The following TEK variants were observed in gnomAD, a reference collection of about 807,000 sequenced individuals.
TEK encodes the protein TEK receptor tyrosine kinase, also known as angiopoietin-1 receptor.
A neutral mutation model predicts 131.8 loss-of-function variants in TEK; 43 were observed. That is an observed-to-expected ratio of 0.33 (90% confidence interval 0.26 to 0.42). TEK has a LOEUF of 0.42. Ranked by LOEUF, TEK falls within the 10% of genes least tolerant of loss-of-function variation. The pLI, the probability that TEK is intolerant of heterozygous loss-of-function variation, is 1.00. For synonymous variants in TEK, 580 were observed against 491.6 expected (o/e 1.18, Z -2.38); for missense variants, 1,162 against 1,384.4 (o/e 0.84, Z 2.55).
At chr9:27,137,616 A>C (rs148178481) in intron 1 of TEK, among the ~76,000 whole-genome samples, 4 of 152,114 alleles carry the variant, frequency 2.6e-5, no homozygotes, top group African/African-American at 9.7e-5. Context: ...ATCATTTTAT[A>C]TATATTTTTA....
At chr9:27,190,415 A>G in intron 9 of TEK, 114 bp from the exon 10 acceptor site, 1 of 1,331,630 alleles carries the variant, frequency 7.5e-7, no homozygotes, top group Non-Finnish European at 1.1e-6. Flanking sequence ...GTCTGAGCAG[A>G]AAACTTTAAG....
At chr9:27,204,759 T>C (rs1040126570) in intron 13 of TEK, 152 bp from the exon 14 acceptor site, 5 of 935,846 alleles carry the variant, frequency 5.3e-6, no homozygotes, top group Non-Finnish European at 5.1e-6. Flanking sequence ...GTTTGGAATA[T>C]AAATGAGTAG....
chr9:27,138,441 C>T (rs1412120602), intron 1 of TEK, among the ~76,000 whole-genome samples: 3 of 152,002 alleles, frequency 2.0e-5, no homozygotes, highest in Non-Finnish European at 4.4e-5. Flanking sequence ...CATTTACAAT[C>T]CTTTAGCTAG....
chr9:27,172,557 T>C, intron 4 of TEK, 59 bp from the exon 5 acceptor site: 6 of 1,605,880 alleles, frequency 3.7e-6, no homozygotes, highest in Non-Finnish European at 4.3e-6. Context: ...AGGTGCTCAA[T>C]AAAGATGTGT....
chr9:27,109,433 T>G lies in TEK; in HGVS notation c.-158T>G, dbSNP rs1386240169. 1.3e-6 allele frequency: 1 copy of G among 772,792 alleles called. No individual in the cohort carries two copies. The highest frequency in any genetic ancestry group is 1.7e-5 in the African/African-American group (1 of 57,970). The allele number at this position is 772,792 out of a possible 1,614,324, so 47.9% of individuals were successfully genotyped here. A position where few individuals can be genotyped will look rare whatever the true frequency, so the allele number is the denominator to read the frequency against. On this transcript the variant is annotated 5_prime_UTR_variant, in exon 1 of 23. Transcript: ENST00000380036. ...CTGTGCTCAGACAGAAATGAGACTG[T>G]TACAGCCTGCTTCTGTGCTGTTCCT...
rs991751486 is a variant in TEK, at chr9:27,229,406, G to C, written c.*174G>C. 3.4e-5 allele frequency: 24 copies of C among 696,070 alleles called. No individual in the cohort carries two copies. The African/African-American group carries it at 3.7e-4, about 11-fold the overall frequency. The allele number at this position is 696,070 out of a possible 1,614,324, so 43.1% of individuals were successfully genotyped here. On this transcript the variant is annotated 3_prime_UTR_variant, in exon 23 of 23. Coordinates refer to ENST00000380036, the MANE Select transcript of TEK (RefSeq NM_000459.5). ...TGCATGGATCTATGTAGTATGCTCTGACTCTAATAGGACTGTATATACTGT... is the reference window on the plus strand; with the variant it reads ...TGCATGGATCTATGTAGTATGCTCTCACTCTAATAGGACTGTATATACTGT...
Position 27,132,559 on chromosome 9 carries a change from A to G in TEK, c.52+22917A>G, listed in dbSNP as rs542401149. Among the ~76,000 whole-genome samples, 7 of 152,318 alleles carry G rather than the reference A, an allele frequency of 4.6e-5. No homozygotes were observed. In the East Asian group the frequency reaches 1.2e-3, roughly 25 times the overall value. On this transcript the variant is annotated intron_variant, in intron 1 of 22. Coordinates refer to ENST00000380036, the MANE Select transcript of TEK (RefSeq NM_000459.5). ...GGACACCGGGGCATTCAGATGGCCTATTGAAATGAGACAAGGAGAGACAGT... is the reference window on the plus strand; with the variant it reads ...GGACACCGGGGCATTCAGATGGCCTGTTGAAATGAGACAAGGAGAGACAGT...
intron 11 of TEK, 68 bp from the exon 12 acceptor site, chr9:27,197,247 G>T: frequency 6.5e-7 from 1 of 1,538,202 alleles, no homozygotes; most frequent in Non-Finnish European, 8.9e-7. Flanking sequence ...TATGAGATTT[G>T]GGTGGGGACA....
intron 1 of TEK, among the ~76,000 whole-genome samples, chr9:27,140,218 G>A (rs1342043274): frequency 6.7e-6 from 1 of 150,222 alleles, no homozygotes; most frequent in Admixed American, 6.6e-5. Flanking sequence ...GATTTCACTT[G>A]CCCTTTCACT....
intron 21 of TEK, among the ~76,000 whole-genome samples, chr9:27,225,757 A>G (rs1826298243): frequency 6.6e-6 from 1 of 152,194 alleles, no homozygotes; most frequent in Non-Finnish European, 1.5e-5. Flanking sequence ...TAAACTAAAG[A>G]CCTTCTGCAC....
At chr9:27,223,179 G>GA (rs398113369) in intron 21 of TEK, among the ~76,000 whole-genome samples, 2 of 151,456 alleles carry the variant, frequency 1.3e-5, no homozygotes, top group East Asian at 3.9e-4. Flanking sequence ...TTATTGTGAG[G>GA]AGTCTTAACA....
In TEK at chr9:27,215,530, A is replaced by G. The variant is rs372100285; in HGVS notation, c.2991+1933A>G. The stretch of plus-strand genomic sequence containing the variant: ...CCTATCCTGTGGATATTCTGATTCA[A>G]TTGGTCTAGGGTGAGAACCCTGCAT... On this transcript the variant is annotated intron_variant, in intron 18 of 22. Transcript: ENST00000380036. Among the ~76,000 whole-genome samples, 4 of 150,894 alleles carry G rather than the reference A, an allele frequency of 2.7e-5. No individual in the cohort carries two copies. In the East Asian group the frequency reaches 7.9e-4, roughly 30 times the overall value.
chr9:27,131,379 T>C (rs1822212330), intron 1 of TEK, among the ~76,000 whole-genome samples: 2 of 149,366 alleles, frequency 1.3e-5, no homozygotes, highest in Non-Finnish European at 3.0e-5. Context: ...CTTGGGAGGC[T>C]GAGGAGGTTG....
At chr9:27,128,768 GCTGT>G (rs1161329995) in intron 1 of TEK, among the ~76,000 whole-genome samples, 1 of 151,004 alleles carries the variant, frequency 6.6e-6, no homozygotes, top group Non-Finnish European at 1.5e-5. Flanking sequence ...TCATGATTTG[GCTGT>G]CTGTTTGTCT....
At position 27,158,102 on chromosome 9, in the gene TEK, A is replaced by G. The variant is rs780455467; in HGVS notation, c.324A>G (p.Gly108=). 1 of 1,614,164 alleles carries G rather than the reference A, an allele frequency of 6.2e-7. No individual in the cohort carries two copies. The highest frequency in any genetic ancestry group is 1.1e-5 in the South Asian group (1 of 91,076). ...GAYFCEGRVR[G]EAIRIRTMKM... Reference sequence around the variant, plus strand: ...ATTTCTGTGAAGGGCGAGTTCGAGGAGAGGCAATCAGGATACGAACCATGA... The same window carrying G: ...ATTTCTGTGAAGGGCGAGTTCGAGGGGAGGCAATCAGGATACGAACCATGA... Residue 108 remains glycine (G), a synonymous_variant, in exon 2 of 23, where the codon GGA becomes GGG. Transcript: ENST00000380036.
chr9:27,193,383 G>T (rs991815550), intron 11 of TEK, among the ~76,000 whole-genome samples: 1 of 152,136 alleles, frequency 6.6e-6, no homozygotes, highest in Admixed American at 6.6e-5. Flanking sequence ...TGCATTTCTA[G>T]TAGGTTCCCA....
chr9:27,168,598 C>CA lies in TEK; in HGVS notation c.473dup (p.Asn158LysfsTer12). The stretch of plus-strand genomic sequence containing the variant: ...TTAAAGAAGAAGATGCAGTGATTTA[C>CA]AAAAATGGTGAGTATGTGTTTCATT... On this transcript the variant is annotated frameshift_variant, in exon 3 of 23. Transcript: ENST00000380036. LOFTEE classifies it high-confidence loss of function. The CA allele has an allele frequency of 6.2e-7, 1 of 1,605,038 alleles. No individual in the cohort carries two copies. Among genetic ancestry groups the CA allele is most frequent in the Non-Finnish European group, 8.5e-7 (1 of 1,172,122 alleles).
chr9:27,158,951 GC>G (rs1823444535), intron 2 of TEK, among the ~76,000 whole-genome samples: 1 of 152,176 alleles, frequency 6.6e-6, no homozygotes, highest in South Asian at 2.1e-4. Flanking sequence ...GAGCCACCAT[GC>G]CCGGCCAGTG....
chr9:27,169,912 C>T (rs1823885916), intron 4 of TEK, among the ~76,000 whole-genome samples: 1 of 152,126 alleles, frequency 6.6e-6, no homozygotes, highest in South Asian at 2.1e-4. Flanking sequence ...ATTTTCTTTT[C>T]TCAGGGCAAA....
Sources: allele counts gnomAD v4.1 joint callset (sites outside exome capture counted in the v4.1 genomes callset), GRCh38; gene constraint gnomAD v4.1.1; transcripts MANE v1.5; gene names NCBI Gene and HGNC (gene_info 2026-07-23, HGNC 2026-07-21).